ASTN2: variants seen among roughly 807,000 people sequenced by gnomAD.
The protein encoded by ASTN2 is astrotactin-2.
A neutral mutation model predicts 139.8 loss-of-function variants in ASTN2; 54 were observed. That is an observed-to-expected ratio of 0.39 (90% CI 0.31 to 0.48). ASTN2 has a LOEUF of 0.48. Ranked by LOEUF, ASTN2 falls within the 20% of genes least tolerant of loss-of-function variation. The pLI is 0.95. For missense variants in ASTN2, 1,565 were observed against 1,725.1 expected (o/e 0.91, Z 1.64); for synonymous variants, 756 against 719.5 (o/e 1.05, Z -0.81).
chr9:117,123,036 G>C (rs1224936578), intron 4 of ASTN2, among the ~76,000 whole-genome samples: 1 of 152,106 alleles, frequency 6.6e-6, no homozygotes, highest in East Asian at 1.9e-4. Flanking sequence ...TTACTGAAGA[G>C]GAAGCCAAGG....
intron 3 of ASTN2, among the ~76,000 whole-genome samples, chr9:117,177,927 C>T (rs150112031): frequency 7.2e-5 from 11 of 152,252 alleles, no homozygotes; most frequent in Admixed American, 2.0e-4. Context: ...AAGGGCTTCA[C>T]ACTTAGAGGA....
At chr9:116,582,362 C>T (rs1034289871) in intron 19 of ASTN2, 1 of 152,208 alleles carries the variant, frequency 6.6e-6, no homozygotes. Context: ...CATGTATCTT[C>T]CCCATGAAAG....
At position 116,699,709 on chromosome 9, in the gene ASTN2, T is replaced by C. The variant is rs748468497; in HGVS notation, c.2806+26062A>G. ...AGAAGATATTCCACCCCATAGGGGA[T>C]GAGAAATTATCAGTTTCTTCTGCTC... On this transcript the variant is annotated intron_variant, in intron 16 of 22. Transcript: ENST00000313400. The surrounding 1 kb of genome is among the most constrained non-coding windows in gnomAD (Gnocchi z 4.2). 15 of 1,614,222 alleles carry C rather than the reference T, an allele frequency of 9.3e-6. No homozygotes were observed. The highest frequency in any genetic ancestry group is 1.3e-5 in the Non-Finnish European group (15 of 1,180,040).
chr9:116,934,868 C>T (rs1274442530), intron 10 of ASTN2, among the ~76,000 whole-genome samples: 2 of 151,984 alleles, frequency 1.3e-5, no homozygotes, highest in African/African-American at 4.8e-5. Context: ...GTTTATATAC[C>T]CCCCTGTCCA....
intron 10 of ASTN2, among the ~76,000 whole-genome samples, chr9:116,886,911 G>A (rs1283759276): frequency 1.3e-5 from 2 of 152,028 alleles, no homozygotes; most frequent in Non-Finnish European, 2.9e-5. Flanking sequence ...ATGGGAGCTT[G>A]GGGGAGCTGT....
At position 117,008,457 on chromosome 9, in the gene ASTN2, C is replaced by T. The variant is rs112431565; in HGVS notation, c.1424-198G>A. Among the ~76,000 whole-genome samples the T allele has an allele frequency of 4.1e-3, 626 of 152,196 alleles. 4 individuals carry two copies. The highest frequency in any genetic ancestry group is 0.014 in the African/African-American group (587 of 41,522). ...GGCAAATCAAACATGGGAGATAATT[C>T]AACCTAGTGATGAAAGATAGGCCCT... On this transcript the variant is annotated intron_variant, in intron 6 of 22. Coordinates refer to ENST00000313400, the MANE Select transcript of ASTN2 (RefSeq NM_001365068.1).
intron 19 of ASTN2, among the ~76,000 whole-genome samples, chr9:116,555,730 TAAAC>T (rs1037292707): frequency 2.0e-5 from 3 of 151,986 alleles, no homozygotes; most frequent in East Asian, 3.9e-4. Context: ...TCAGCTGAAC[TAAAC>T]AAACAAACAA....
intron 13 of ASTN2, among the ~76,000 whole-genome samples, chr9:116,792,667 G>A (rs1221125412): frequency 6.6e-6 from 1 of 152,160 alleles, no homozygotes; most frequent in African/African-American, 2.4e-5. Flanking sequence ...CCTGGCTGCT[G>A]CAAAACTGAA....
chr9:116,633,221 T>G (rs2131868987), intron 17 of ASTN2, among the ~76,000 whole-genome samples: 1 of 152,308 alleles, frequency 6.6e-6, no homozygotes, highest in Non-Finnish European at 1.5e-5. Context: ...CATAGCCATA[T>G]CAGTAGCCTC....
intron 22 of ASTN2, among the ~76,000 whole-genome samples, chr9:116,439,475 C>CA (rs1847776018): frequency 2.1e-5 from 3 of 139,938 alleles, no homozygotes; most frequent in South Asian, 6.6e-4. Flanking sequence ...GCTGGGATTA[C>CA]AGGCGTGAGC....
intron 11 of ASTN2, among the ~76,000 whole-genome samples, chr9:116,849,256 T>C (rs1169991489): frequency 6.6e-6 from 1 of 152,166 alleles, no homozygotes; most frequent in Non-Finnish European, 1.5e-5. Flanking sequence ...GATTAAATCA[T>C]TGGCCACTGG....
chr9:117,201,618 G>C (rs937577539), intron 3 of ASTN2, among the ~76,000 whole-genome samples: 21 of 152,208 alleles, frequency 1.4e-4, no homozygotes, highest in African/African-American at 5.1e-4. Flanking sequence ...TTCAGGAGCA[G>C]GTTGTTCAAT....
chr9:116,690,559 C>G (rs1016688492), intron 16 of ASTN2, among the ~76,000 whole-genome samples: 3 of 152,186 alleles, frequency 2.0e-5, no homozygotes, highest in African/African-American at 4.8e-5. Context: ...TCCATCTTGT[C>G]TTTCTGGTAA....
chr9:116,987,799 A>C (rs1233541123), intron 7 of ASTN2, among the ~76,000 whole-genome samples: 2 of 152,232 alleles, frequency 1.3e-5, no homozygotes, highest in African/African-American at 4.8e-5. Context: ...CTACTCTTGC[A>C]CTTGGGGCCA....
intron 4 of ASTN2, among the ~76,000 whole-genome samples, chr9:117,130,151 A>T (rs1344895612): frequency 3.9e-5 from 6 of 152,106 alleles, no homozygotes; most frequent in African/African-American, 1.2e-4. Flanking sequence ...TACCAAAAAT[A>T]CAAAAAATTT....
intron 7 of ASTN2, among the ~76,000 whole-genome samples, chr9:116,982,894 G>T (rs143169058): frequency 2.0e-5 from 3 of 152,276 alleles, no homozygotes; most frequent in African/African-American, 7.2e-5. Context: ...TGCTGAAGGA[G>T]GTATGGGCAC....
Position 116,863,591 on chromosome 9 carries a change from C to T in ASTN2, c.2032G>A (p.Gly678Arg), listed in dbSNP as rs267602103. The T allele has an allele frequency of 6.2e-7, 1 of 1,614,066 alleles. No homozygotes were observed. The highest frequency in any genetic ancestry group is 8.5e-7 in the Non-Finnish European group (1 of 1,179,960). Reference protein sequence around the residue: ...CVSDRQVDSSGCVCPEELKPM... With the variant: ...CVSDRQVDSSRCVCPEELKPM... ...GGCCAATGGGCACTTACCACACATC[C>T]CGAGGAATCCACCTGCCGGTCAGAC... Residue 678 changes from glycine to arginine, a missense_variant, in exon 11 of 23, where the codon GGA (glycine) becomes AGA (arginine). By Grantham distance (125) the Gly-to-Arg change is moderately radical. Coordinates refer to ENST00000313400, the MANE Select transcript of ASTN2 (RefSeq NM_001365068.1).
chr9:117,374,124 G>A (rs10114108), intron 1 of ASTN2, among the ~76,000 whole-genome samples: 111,254 of 151,866 alleles, frequency 0.73, 41,055 homozygotes, highest in East Asian at 0.98. Context: ...CCATTCAATC[G>A]TCCACTTGTA....
rs1160279346 is a variant in ASTN2 at position 117,016,654 on chromosome 9, A to AGGT, written c.1424-8396_1424-8395insACC. Among the ~76,000 whole-genome samples the AGGT allele has an allele frequency of 2.5e-3, 252 of 99,978 alleles. 15 individuals are homozygous for AGGT. The highest frequency in any genetic ancestry group is 5.3e-3 in the African/African-American group (108 of 20,304). 65.6% of individuals were successfully genotyped at this position (99,978 alleles called of 152,430 possible). A position where few individuals can be genotyped will look rare whatever the true frequency, so the allele number is the denominator to read the frequency against. On this transcript the variant is annotated intron_variant, in intron 6 of 22. Coordinates refer to ENST00000313400, the MANE Select transcript of ASTN2 (RefSeq NM_001365068.1). ...TATATATATATATATATATATATAT[A>AGGT]TAACCTATATATATGTTACATATAT...
Sources: allele counts gnomAD v4.1 joint callset (sites outside exome capture counted in the v4.1 genomes callset), GRCh38; gene constraint gnomAD v4.1.1; non-coding constraint Gnocchi (gnomAD v3.1); transcripts MANE v1.5; gene names NCBI Gene and HGNC (gene_info 2026-07-23, HGNC 2026-07-21).